Variants in ITGA6 observed in about 807,000 individuals in gnomAD.
The protein encoded by ITGA6 is integrin subunit alpha 6.
Under a neutral mutation model 133.6 loss-of-function variants are expected in ITGA6, and 63 were observed. The ratio of observed to expected loss-of-function variants is 0.47; its 90% CI spans 0.38 to 0.58. ITGA6 has a LOEUF of 0.58. Among genes scored for constraint, ITGA6 ranks in the 20% least tolerant of loss-of-function variants. The probability of loss-of-function intolerance (pLI) is 0.00; values close to 1 mark genes in which losing one functional copy is unlikely to be tolerated. For missense variants in ITGA6, 1,068 were observed against 1,309.4 expected (o/e 0.82, Z 2.85); for synonymous variants, 434 against 482.0 (o/e 0.90, Z 1.30).
Position 172,491,587 on chromosome 2 carries a change from A to G in ITGA6, c.2988+64A>G. 1 of 1,071,420 alleles carries G rather than the reference A, an allele frequency of 9.3e-7. No individual in the cohort carries two copies. Among genetic ancestry groups the G allele is most frequent in the South Asian group, 1.3e-5 (1 of 77,506 alleles). The allele number at this position is 1,071,420 out of a possible 1,614,324, so 66.4% of individuals were successfully genotyped here. ...TCTCTTTTCCCTGTACCCCACACTC[A>G]TGTCCTGAAGTCATGTGCTTTGGTG... On this transcript the variant is annotated intron_variant, in intron 23 of 25. Transcript: ENST00000684293. The surrounding 1 kb of genome is among the most constrained non-coding windows in gnomAD (Gnocchi z 4.4).
At chr2:172,485,887 T>C (rs990294988) in intron 13 of ITGA6, among the ~76,000 whole-genome samples, 4 of 152,068 alleles carry the variant, frequency 2.6e-5, no homozygotes, top group Non-Finnish European at 5.9e-5. Flanking sequence ...CAAAATCTAA[T>C]TGATGATGAA....
rs754351265 is a variant in ITGA6 at position 172,491,286 on chromosome 2, G to A, written c.2844G>A (p.Ala948=). 2.7e-5 allele frequency: 43 copies of A among 1,613,034 alleles called. No homozygotes were observed. The highest frequency in any genetic ancestry group is 2.0e-4 in the Admixed American group (12 of 60,018). The change falls in exon 22 of 26, where the codon GCG becomes GCA. Residue 948 remains alanine, a synonymous_variant. Transcript: ENST00000684293. This position sits in a 1 kb window ranked among gnomAD's most constrained non-coding sequence, Gnocchi z 4.4. ...CGCTGCGGGGGCTGGACAGCAAGGC[G>A]TCTCTTATTTTGCGCTCGAGGTTAT... is the stretch of plus-strand genomic sequence containing the variant. ...RCPLRGLDSK[A]SLILRSRLWN...
chr2:172,458,331 C>T (rs1025802389), intron 1 of ITGA6, among the ~76,000 whole-genome samples: 3 of 151,766 alleles, frequency 2.0e-5, no homozygotes, highest in South Asian at 2.1e-4. Flanking sequence ...CCTCCATCTC[C>T]GGGGTGCAGG....
chr2:172,444,394 T>C (rs1296813473), intron 1 of ITGA6, among the ~76,000 whole-genome samples: 1 of 152,200 alleles, frequency 6.6e-6, no homozygotes, highest in African/African-American at 2.4e-5. Flanking sequence ...ACTTTCATTC[T>C]GGTTGGTGCA....
At chr2:172,449,376 A>C (rs1238812755) in intron 1 of ITGA6, among the ~76,000 whole-genome samples, 4 of 152,192 alleles carry the variant, frequency 2.6e-5, no homozygotes, top group Admixed American at 6.5e-5. Context: ...GGGATGCATG[A>C]ATAATATCTA....
intron 1 of ITGA6, chr2:172,464,578 AT>A (rs1685568967): frequency 1.3e-5 from 2 of 152,388 alleles, no homozygotes; most frequent in Admixed American, 6.5e-5. Flanking sequence ...TGTAAACCTG[AT>A]GGTGAGTAAA....
intron 1 of ITGA6, among the ~76,000 whole-genome samples, chr2:172,433,671 G>A (rs896453502): frequency 3.3e-5 from 5 of 152,114 alleles, no homozygotes; most frequent in African/African-American, 1.2e-4. Flanking sequence ...CCTGCTTCCC[G>A]GCCTGTGCTG....
chr2:172,475,617 T>TATG lies in ITGA6; in HGVS notation c.1206_1208dup (p.Asp403dup). ...AACAGATATTGCAGTTGGAGCTCCG[T>TATG]ATGATGACTTGGGAAAGGTTTTTAT... is the stretch of plus-strand genomic sequence containing the variant. On this transcript the variant is annotated inframe_insertion, in exon 8 of 26. Coordinates refer to ENST00000684293, the MANE Select transcript of ITGA6 (RefSeq NM_000210.4). 6.2e-7 allele frequency: 1 copy of TATG among 1,602,876 alleles called. No individual in the cohort carries two copies. The highest frequency in any genetic ancestry group is 8.5e-7 in the Non-Finnish European group (1 of 1,169,756).
At chr2:172,500,602 C>G (rs1288358109) in intron 24 of ITGA6, among the ~76,000 whole-genome samples, 1 of 152,296 alleles carries the variant, frequency 6.6e-6, no homozygotes, top group Middle Eastern at 3.4e-3. Flanking sequence ...TGCACTCCAG[C>G]CTGGGCAACA....
At chr2:172,459,720 C>T (rs569999786) in intron 1 of ITGA6, among the ~76,000 whole-genome samples, 5 of 152,268 alleles carry the variant, frequency 3.3e-5, no homozygotes, top group African/African-American at 1.2e-4. Context: ...GCTATTAGGA[C>T]AGTATTTAAG....
rs1449459624 is a variant in ITGA6 at position 172,487,151 on chromosome 2, G to T, written c.1970+13G>T. The T allele has an allele frequency of 6.5e-7, 1 of 1,542,246 alleles. No homozygotes were observed. Among genetic ancestry groups the T allele is most frequent in the Admixed American group, 1.7e-5 (1 of 59,772 alleles). ...CTTATTTACCAATGTAAGAATCGTTGTGTAGCACTAGCAAAAATGATTCTG... is the reference window on the plus strand; with the variant it reads ...CTTATTTACCAATGTAAGAATCGTTTTGTAGCACTAGCAAAAATGATTCTG... On this transcript the variant is annotated intron_variant, in intron 14 of 25. Transcript: ENST00000684293.
At chr2:172,499,535 T>C (rs1253555913) in intron 24 of ITGA6, among the ~76,000 whole-genome samples, 5 of 151,864 alleles carry the variant, frequency 3.3e-5, no homozygotes, top group Non-Finnish European at 7.4e-5. Flanking sequence ...GTTTTTAAAT[T>C]TTTTTTCATA....
At chr2:172,461,549 G>T (rs1685427345) in intron 1 of ITGA6, among the ~76,000 whole-genome samples, 1 of 152,218 alleles carries the variant, frequency 6.6e-6, no homozygotes, top group South Asian at 2.1e-4. Flanking sequence ...AGGTCGAGTT[G>T]TCACATAGCT....
intron 6 of ITGA6, 133 bp from the exon 7 acceptor site, chr2:172,474,796 T>C (rs1686094397): frequency 4.3e-6 from 3 of 702,414 alleles, no homozygotes; most frequent in Admixed American, 4.3e-5. Flanking sequence ...TTTTAAAAAA[T>C]GTTATAATTG....
intron 1 of ITGA6, among the ~76,000 whole-genome samples, chr2:172,461,751 G>A (rs565373350): frequency 2.0e-5 from 3 of 152,190 alleles, no homozygotes; most frequent in African/African-American, 7.2e-5. Context: ...TGGAATTTGA[G>A]CATAAATTGG....
intron 1 of ITGA6, among the ~76,000 whole-genome samples, chr2:172,451,559 A>G (rs1685005705): frequency 1.3e-5 from 2 of 152,112 alleles, no homozygotes; most frequent in African/African-American, 4.8e-5. Flanking sequence ...TTAAGTGGAA[A>G]TGTTTACTAG....
chr2:172,448,556 C>CT (rs1333363400), intron 1 of ITGA6, among the ~76,000 whole-genome samples: 16 of 152,292 alleles, frequency 1.1e-4, no homozygotes, highest in African/African-American at 3.8e-4. Flanking sequence ...GAGATGATAG[C>CT]TGTTGGGGCA....
At chr2:172,448,269 A>G (rs1417865740) in intron 1 of ITGA6, among the ~76,000 whole-genome samples, 1 of 151,296 alleles carries the variant, frequency 6.6e-6, no homozygotes, top group East Asian at 1.9e-4. Context: ...CTTGTAATAG[A>G]TTTTTTTTAA....
At chr2:172,449,457 G>A (rs1444710676) in intron 1 of ITGA6, among the ~76,000 whole-genome samples, 1 of 152,188 alleles carries the variant, frequency 6.6e-6, no homozygotes, top group Non-Finnish European at 1.5e-5. Flanking sequence ...TGCTCCAGAT[G>A]TTGTATTCAG....
Sources: allele counts gnomAD v4.1 joint callset (sites outside exome capture counted in the v4.1 genomes callset), GRCh38; gene constraint gnomAD v4.1.1; non-coding constraint Gnocchi (gnomAD v3.1); transcripts MANE v1.5; gene names NCBI Gene and HGNC (gene_info 2026-07-23, HGNC 2026-07-21).